DYNC2H1: variants seen among roughly 807,000 people sequenced by gnomAD.
DYNC2H1 encodes the protein dynein cytoplasmic 2 heavy chain 1.
A neutral mutation model predicts 570.0 loss-of-function variants in DYNC2H1; 410 were observed. The observed-to-expected ratio is 0.72, with a 90% CI of 0.66 to 0.78. The LOEUF is 0.78. Among genes scored for constraint, DYNC2H1 ranks in the 30% least tolerant of loss-of-function variants. DYNC2H1 has a pLI of 0.00. For synonymous variants in DYNC2H1, 1,688 were observed against 1,677.6 expected (o/e 1.01, Z -0.15); for missense variants, 4,865 against 5,046.4 (o/e 0.96, Z 1.09).
Position 103,305,189 on chromosome 11 carries a change from A to C in DYNC2H1, c.11382+469A>C, listed in dbSNP as rs1233771622. On this transcript the variant is annotated intron_variant, in intron 77 of 88. Transcript: ENST00000375735. This position sits in a 1 kb window ranked among gnomAD's most constrained non-coding sequence, Gnocchi z 4.3. ...GGACAAGTCACTGGATGGGCTTTACATGCAAACCTAGATTTTATTCTAGTG... is the reference window on the plus strand; with the variant it reads ...GGACAAGTCACTGGATGGGCTTTACCTGCAAACCTAGATTTTATTCTAGTG... 2.6e-5 allele frequency among the ~76,000 whole-genome samples: 4 copies of C among 152,230 alleles called. No homozygotes were observed. The highest frequency in any genetic ancestry group is 7.2e-5 in the African/African-American group (3 of 41,462).
At chr11:103,468,978 A>G (rs1315399694) in intron 88 of DYNC2H1, among the ~76,000 whole-genome samples, 1 of 152,222 alleles carries the variant, frequency 6.6e-6, no homozygotes. Context: ...AATGATAATA[A>G]GAACTACCAT....
At chr11:103,235,636 A>G in intron 61 of DYNC2H1, 36 bp from the exon 62 acceptor site, 1 of 1,581,076 alleles carries the variant, frequency 6.3e-7, no homozygotes, top group Non-Finnish European at 8.6e-7. Context: ...GAACATACTC[A>G]TATATCTCCC....
At chr11:103,414,316 A>G (rs1943199654) in intron 84 of DYNC2H1, among the ~76,000 whole-genome samples, 1 of 152,164 alleles carries the variant, frequency 6.6e-6, no homozygotes, top group Non-Finnish European at 1.5e-5. Context: ...AAATACACAA[A>G]TTCCTTGAAA....
intron 29 of DYNC2H1, 36 bp from the exon 30 acceptor site, chr11:103,162,992 T>C: frequency 3.2e-6 from 5 of 1,562,254 alleles, no homozygotes; most frequent in Non-Finnish European, 3.5e-6. Flanking sequence ...GTTTATTTTA[T>C]GTCTTGTTTA....
intron 70 of DYNC2H1, among the ~76,000 whole-genome samples, chr11:103,270,508 G>A (rs1026881529): frequency 3.3e-5 from 5 of 151,868 alleles, no homozygotes; most frequent in African/African-American, 9.7e-5. Context: ...GTGAAATAGA[G>A]CAATTGTAAC....
intron 83 of DYNC2H1, among the ~76,000 whole-genome samples, chr11:103,391,773 GT>G (rs1318277294): frequency 1.3e-5 from 2 of 152,080 alleles, no homozygotes; most frequent in Non-Finnish European, 2.9e-5. Flanking sequence ...TCCAGACCCT[GT>G]TTGCCTGGGT....
intron 2 of DYNC2H1, 32 bp downstream of exon 2, chr11:103,113,739 G>C: frequency 6.9e-7 from 1 of 1,452,814 alleles, no homozygotes; most frequent in Non-Finnish European, 9.1e-7. Context: ...TTTTTTAACT[G>C]AGGTATTTGG....
At chr11:103,148,052 A>G (rs1860334222) in intron 19 of DYNC2H1, among the ~76,000 whole-genome samples, 165 bp downstream of exon 19, 1 of 152,194 alleles carries the variant, frequency 6.6e-6, no homozygotes, top group African/African-American at 2.4e-5. Flanking sequence ...TCTAATGAAG[A>G]CATCTTTATT....
rs1412797761 is a variant in DYNC2H1, at chr11:103,186,541, T to C, written c.6893+40T>C. 1 of 1,584,998 alleles carries C rather than the reference T, an allele frequency of 6.3e-7. No individual in the cohort carries two copies. The highest frequency in any genetic ancestry group is 8.6e-7 in the Non-Finnish European group (1 of 1,167,594). On this transcript the variant is annotated intron_variant, in intron 42 of 88. Coordinates refer to ENST00000375735, the MANE Select transcript of DYNC2H1 (RefSeq NM_001377.3). This position sits in a 1 kb window ranked among gnomAD's most constrained non-coding sequence, Gnocchi z 4.5. ...GGCAAAGGTATATGTTGTGGATTTA[T>C]TCCTGCCGCCCCTAATTGATTTAAT...
chr11:103,223,070 C>A lies in DYNC2H1; in HGVS notation c.9337C>A (p.Gln3113Lys). The A allele has an allele frequency of 6.2e-7, 1 of 1,612,068 alleles. No individual in the cohort carries two copies. The highest frequency in any genetic ancestry group is 8.5e-7 in the Non-Finnish European group (1 of 1,178,932). The change falls in exon 59 of 89, where the codon CAG becomes AAG. Residue 3113 changes from glutamine to lysine, a missense_variant. Physicochemically the swap from Gln to Lys is moderately conservative, Grantham distance 53 (BLOSUM62 1). Coordinates refer to ENST00000375735, the MANE Select transcript of DYNC2H1 (RefSeq NM_001377.3). Reference protein sequence around the residue: ...LERIHPLETEQAGLESNLKKT... With the variant: ...LERIHPLETEKAGLESNLKKT... Reference sequence around the variant, plus strand: ...ACGAATTCATCCTTTGGAAACTGAACAGGCAGGATTAGAATCGTAAGTGAA... The same window carrying A: ...ACGAATTCATCCTTTGGAAACTGAAAAGGCAGGATTAGAATCGTAAGTGAA...
At position 103,187,518 on chromosome 11, in the gene DYNC2H1, T is replaced by C; in HGVS notation, c.7072T>C (p.Leu2358=). The change falls in exon 43 of 89, where the codon TTA becomes CTA. Residue 2358 remains leucine, a synonymous_variant. Coordinates refer to ENST00000375735, the MANE Select transcript of DYNC2H1 (RefSeq NM_001377.3). ...PKDCERLVLY[L]KDINLPKLDK... ...AGACTGTGAAAGACTTGTTCTGTACTTAAAAGATATCAACCTACCTAAACT... is the reference window on the plus strand; with the variant it reads ...AGACTGTGAAAGACTTGTTCTGTACCTAAAAGATATCAACCTACCTAAACT... The C allele has an allele frequency of 6.2e-7, 1 of 1,613,356 alleles. No homozygotes were observed. Among genetic ancestry groups the C allele is most frequent in the South Asian group, 1.1e-5 (1 of 91,068 alleles).
chr11:103,293,098 A>G (rs2135373507), intron 75 of DYNC2H1, among the ~76,000 whole-genome samples: 1 of 152,198 alleles, frequency 6.6e-6, no homozygotes, highest in South Asian at 2.1e-4. Context: ...TTCCCTTTAT[A>G]GTTCTGGTGT....
chr11:103,197,165 A>G (rs1484235495), intron 47 of DYNC2H1, among the ~76,000 whole-genome samples: 2 of 151,960 alleles, frequency 1.3e-5, no homozygotes, highest in African/African-American at 4.8e-5. Flanking sequence ...TCTTTTTGGT[A>G]TTAATACATC....
intron 85 of DYNC2H1, among the ~76,000 whole-genome samples, chr11:103,453,861 T>C (rs1944696145): frequency 6.6e-6 from 1 of 151,830 alleles, no homozygotes; most frequent in African/African-American, 2.4e-5. Flanking sequence ...GCAGATAATT[T>C]AATAAAAATT....
intron 83 of DYNC2H1, among the ~76,000 whole-genome samples, chr11:103,362,184 G>A (rs1321169898): frequency 1.3e-5 from 2 of 152,136 alleles, no homozygotes; most frequent in Non-Finnish European, 2.9e-5. Flanking sequence ...GAAAGATCCC[G>A]TTGAGGAAGT....
chr11:103,114,338 T>C (rs1858270026), intron 3 of DYNC2H1, 100 bp downstream of exon 3: 1 of 1,338,280 alleles, frequency 7.5e-7, no homozygotes, highest in Non-Finnish European at 9.9e-7. Flanking sequence ...CAAATACTTT[T>C]GGAATTTCTC....
At position 103,323,873 on chromosome 11, in the gene DYNC2H1, T is replaced by C; in HGVS notation, c.11935-13T>C. The C allele has an allele frequency of 6.2e-7, 1 of 1,600,702 alleles. No homozygotes were observed. Among genetic ancestry groups the C allele is most frequent in the Non-Finnish European group, 8.5e-7 (1 of 1,172,786 alleles). On this transcript the variant is annotated splice_polypyrimidine_tract_variant and intron_variant, in intron 81 of 88. Transcript: ENST00000375735. ...TTTTTTAAAAAAACTGTTTTTCACT[T>C]CTTTATATTTAGGACTATCGTGCTG...
chr11:103,309,851 G>A (rs1410027560), intron 78 of DYNC2H1, among the ~76,000 whole-genome samples: 1 of 152,032 alleles, frequency 6.6e-6, no homozygotes, highest in Non-Finnish European at 1.5e-5. Context: ...CAGGTAAACT[G>A]TTCCTTGAAT....
chr11:103,435,402 G>A (rs1944025519), intron 84 of DYNC2H1, among the ~76,000 whole-genome samples: 1 of 152,080 alleles, frequency 6.6e-6, no homozygotes, highest in South Asian at 2.1e-4. Context: ...CTGCATTAAT[G>A]GTTAATGCCT....
Sources: gnomAD v4.1 joint callset for allele counts (sites outside exome capture counted in the v4.1 genomes callset) on GRCh38, gnomAD v4.1.1 for gene constraint, Gnocchi (gnomAD v3.1) non-coding constraint, MANE v1.5 for transcripts, NCBI Gene and HGNC (gene_info 2026-07-23, HGNC 2026-07-21) for gene names.